HECW1: variants seen among roughly 807,000 people sequenced by gnomAD.
HECW1 encodes HECT, C2 and WW domain containing E3 ubiquitin protein ligase 1.
A neutral mutation model predicts 182.3 loss-of-function variants in HECW1; 61 were observed. That is an observed-to-expected ratio of 0.33 (90% CI 0.27 to 0.41). HECW1 has a LOEUF of 0.41. HECW1 is among the 10% of genes least tolerant of loss of function. The pLI is 1.00. For missense variants in HECW1, 1,739 were observed against 2,108.9 expected (o/e 0.82, Z 3.44); for synonymous variants, 859 against 832.6 (o/e 1.03, Z -0.55).
chr7:43,123,886 G>A (rs1785901611), intron 2 of HECW1, among the ~76,000 whole-genome samples: 2 of 152,160 alleles, frequency 1.3e-5, no homozygotes. Flanking sequence ...GGCACATATT[G>A]TCTTATTCTA....
intron 2 of HECW1, among the ~76,000 whole-genome samples, chr7:43,186,458 G>A (rs145533059): frequency 6.6e-5 from 10 of 152,160 alleles, no homozygotes; most frequent in African/African-American, 2.4e-4. Flanking sequence ...ACGAGGTCAG[G>A]AGATTGAGAC....
At chr7:43,360,828 G>A in intron 5 of HECW1, 58 bp from the exon 6 acceptor site, 2 of 1,270,602 alleles carry the variant, frequency 1.6e-6, no homozygotes, top group South Asian at 1.2e-5. Context: ...TGTGGCCATA[G>A]CTGTCTCTCC....
chr7:43,423,510 T>A (rs1224340839), intron 8 of HECW1, among the ~76,000 whole-genome samples: 1 of 152,190 alleles, frequency 6.6e-6, no homozygotes, highest in Non-Finnish European at 1.5e-5. Context: ...GCCAAAGTGT[T>A]CCTTGTACTT....
At chr7:43,172,201 C>T (rs921938463) in intron 2 of HECW1, among the ~76,000 whole-genome samples, 6 of 151,278 alleles carry the variant, frequency 4.0e-5, no homozygotes, top group Admixed American at 2.6e-4. Context: ...GGCTAAGGCA[C>T]GAGAATCACT....
chr7:43,145,298 A>T (rs1016153354), intron 2 of HECW1, among the ~76,000 whole-genome samples: 1 of 152,004 alleles, frequency 6.6e-6, no homozygotes, highest in African/African-American at 2.4e-5. Context: ...TCCTTCTTTC[A>T]TACACGTATA....
chr7:43,546,166 G>C (rs1312733681), intron 26 of HECW1, among the ~76,000 whole-genome samples: 1 of 145,964 alleles, frequency 6.9e-6, no homozygotes, highest in African/African-American at 2.5e-5. Flanking sequence ...CGTGGTGTCT[G>C]TCAGCTCTTG....
intron 3 of HECW1, among the ~76,000 whole-genome samples, chr7:43,296,355 C>A (rs565208214): frequency 6.6e-6 from 1 of 152,306 alleles, no homozygotes; most frequent in South Asian, 2.1e-4. Flanking sequence ...AGTCCCGACT[C>A]TGGACTTCTC....
chr7:43,249,939 A>G (rs957222210), intron 3 of HECW1, among the ~76,000 whole-genome samples: 1 of 152,166 alleles, frequency 6.6e-6, no homozygotes, highest in Admixed American at 6.5e-5. Context: ...GTCTCAGGAT[A>G]GCACGGTATG....
Position 43,444,732 on chromosome 7 carries a change from C to A in HECW1, c.1560C>A (p.Gly520=). The change falls in exon 11 of 30, where the codon GGC becomes GGA. Residue 520 remains glycine (G), a synonymous_variant. Coordinates refer to ENST00000395891, the MANE Select transcript of HECW1 (RefSeq NM_015052.5). The surrounding 1 kb of genome is among the most constrained non-coding windows in gnomAD (Gnocchi z 4.3). ...GDVSTLEQGE[G]RLQLRASVKR... ...TGTCTACCCTGGAGCAGGGAGAGGG[C>A]AGGCTGCAGCTGCGGGCCTCGGTGA... The A allele has an allele frequency of 6.2e-7, 1 of 1,612,904 alleles. No homozygotes were observed. Among genetic ancestry groups the A allele is most frequent in the Non-Finnish European group, 8.5e-7 (1 of 1,179,442 alleles).
chr7:43,483,406 T>G (rs2078506453), intron 17 of HECW1, among the ~76,000 whole-genome samples: 1 of 151,960 alleles, frequency 6.6e-6, no homozygotes, highest in Non-Finnish European at 1.5e-5. Flanking sequence ...CCCCAGCATT[T>G]CCACACACCC....
chr7:43,269,521 A>T lies in HECW1; in HGVS notation c.27+25589A>T, dbSNP rs113247707. On this transcript the variant is annotated intron_variant, in intron 3 of 29. Coordinates refer to ENST00000395891, the MANE Select transcript of HECW1 (RefSeq NM_015052.5). ...AAGACACATGTGAAATTCACACTTG[A>T]AGCATATTTGGGTTAGGAAGACAGT... Among the ~76,000 whole-genome samples, 1,388 of 152,312 alleles carry T rather than the reference A, an allele frequency of 9.1e-3. 21 individuals are homozygous for T. Among genetic ancestry groups the T allele is most frequent in the African/African-American group, 0.032 (1,320 of 41,556 alleles).
chr7:43,445,503 C>G lies in HECW1; in HGVS notation c.2331C>G (p.Ser777Arg). Residue 777 changes from serine to arginine, a missense_variant, in exon 11 of 30, where the codon AGC becomes AGG. Ser to Arg is a moderately radical substitution (Grantham distance 110). Coordinates refer to ENST00000395891, the MANE Select transcript of HECW1 (RefSeq NM_015052.5). The stretch of plus-strand genomic sequence containing the variant: ...GGCAAGACGAGCTGGCCGCCCCTAG[C>G]GGGCACGTGGAAAGAAGCCCGGAAG... ...GPWQDELAAP[S>R]GHVERSPEGL... 2 of 1,611,314 alleles carry G rather than the reference C, an allele frequency of 1.2e-6. No individual in the cohort carries two copies. The highest frequency in any genetic ancestry group is 1.7e-6 in the Non-Finnish European group (2 of 1,178,668).
intron 2 of HECW1, among the ~76,000 whole-genome samples, chr7:43,119,429 GT>G (rs1160070937): frequency 1.3e-5 from 2 of 152,170 alleles, no homozygotes; most frequent in Non-Finnish European, 2.9e-5. Context: ...TGGCCCCTGA[GT>G]TTTTATCCCG....
intron 6 of HECW1, among the ~76,000 whole-genome samples, chr7:43,370,974 A>C (rs572009348): frequency 7.0e-4 from 103 of 147,410 alleles, no homozygotes; most frequent in African/African-American, 2.4e-3. Context: ...TGCAAGCTCC[A>C]CTTCCTGGGT....
intron 6 of HECW1, among the ~76,000 whole-genome samples, chr7:43,391,178 T>C (rs116954804): frequency 0.056 from 8,569 of 152,212 alleles, 331 homozygotes; most frequent in South Asian, 0.11. Context: ...TTAAAAGAAG[T>C]TAATCACTTA....
chr7:43,514,235 G>T (rs2080021072), intron 24 of HECW1, among the ~76,000 whole-genome samples: 1 of 151,768 alleles, frequency 6.6e-6, no homozygotes, highest in South Asian at 2.1e-4. Flanking sequence ...AACAGTATGT[G>T]TCTGTTGTGT....
chr7:43,227,892 GCAGGTTAC>G (rs1797569756), intron 2 of HECW1, among the ~76,000 whole-genome samples: 1 of 152,330 alleles, frequency 6.6e-6, no homozygotes, highest in African/African-American at 2.4e-5. Flanking sequence ...TAAGGGGGAA[GCAGGTTAC>G]CAGTAAGGAA....
chr7:43,121,719 T>G (rs1785642170), intron 2 of HECW1: 1 of 152,152 alleles, frequency 6.6e-6, no homozygotes. Flanking sequence ...CTCAGTTTCC[T>G]AATAGGATAT....
At chr7:43,162,446 C>T (rs1421934357) in intron 2 of HECW1, among the ~76,000 whole-genome samples, 1 of 152,226 alleles carries the variant, frequency 6.6e-6, no homozygotes, top group African/African-American at 2.4e-5. Flanking sequence ...CATGGTCTGC[C>T]TCCTCTTCTC....
Sources: gnomAD v4.1 joint callset for allele counts (sites outside exome capture counted in the v4.1 genomes callset) on GRCh38, gnomAD v4.1.1 for gene constraint, Gnocchi (gnomAD v3.1) non-coding constraint, MANE v1.5 for transcripts, NCBI Gene and HGNC (gene_info 2026-07-23, HGNC 2026-07-21) for gene names.